The following RASA3 variants were observed in gnomAD, a reference collection of about 807,000 sequenced individuals.
The protein encoded by RASA3 is RAS p21 protein activator 3, also known as ras GTPase-activating protein 3.
RASA3 carries 73 observed loss-of-function variants against 110.0 expected under a neutral mutation model. The observed-to-expected ratio is 0.66, with a 90% CI of 0.55 to 0.81. The LOEUF is 0.81. Ranked by LOEUF, RASA3 falls within the 30% of genes least tolerant of loss-of-function variation. The pLI is 0.00. For missense variants in RASA3, 976 were observed against 1,113.2 expected, an observed-to-expected ratio of 0.88 and a Z score of 1.75; for synonymous variants, 500 against 451.4, an observed-to-expected ratio of 1.11 and a Z score of -1.37.
chr13:114,009,805 C>A (rs2053593544), intron 16 of RASA3, among the ~76,000 whole-genome samples: 1 of 152,362 alleles, frequency 6.6e-6, no homozygotes, highest in South Asian at 2.1e-4. Flanking sequence ...GCCTGGGAAC[C>A]TGGAGTCATA....
At position 114,011,389 on chromosome 13, in the gene RASA3, C is replaced by T. The variant is rs1167799208; in HGVS notation, c.1513-141G>A. 8.2e-6 allele frequency: 6 copies of T among 732,364 alleles called. No homozygotes were observed. Among genetic ancestry groups the T allele is most frequent in the Admixed American group, 2.2e-5 (1 of 46,046 alleles). 45.4% of individuals were successfully genotyped at this position (732,364 alleles called of 1,614,324 possible). A position where few individuals can be genotyped will look rare whatever the true frequency, so the allele number is the denominator to read the frequency against. The stretch of plus-strand genomic sequence containing the variant: ...AGCTACGGAGAAACAGGGGTAGCGA[C>T]GCAGATGGGACTGGAGGGGGTGGGC... On this transcript the variant is annotated intron_variant, in intron 15 of 23. Transcript: ENST00000334062. This position sits in a 1 kb window ranked among gnomAD's most constrained non-coding sequence, Gnocchi z 4.8.
chr13:114,052,866 G>A (rs923972282), intron 2 of RASA3, among the ~76,000 whole-genome samples: 2 of 144,098 alleles, frequency 1.4e-5, no homozygotes, highest in African/African-American at 2.7e-5. Flanking sequence ...GCTCCTGGGG[G>A]AGAGACCCCC....
intron 1 of RASA3, among the ~76,000 whole-genome samples, chr13:114,082,654 G>A (rs553613909): frequency 2.0e-5 from 3 of 152,162 alleles, no homozygotes; most frequent in Admixed American, 6.5e-5. Context: ...GAGAAGGAAT[G>A]GGGGGCAGGG....
intron 3 of RASA3, among the ~76,000 whole-genome samples, chr13:114,041,342 G>T (rs1019621190): frequency 2.6e-5 from 4 of 152,248 alleles, no homozygotes; most frequent in African/African-American, 7.2e-5. Flanking sequence ...GGAATGAGCC[G>T]GGCATGGTGG....
At chr13:114,030,466 G>GGCAAGGCTCACACAGACA (rs1566501750) in intron 4 of RASA3, among the ~76,000 whole-genome samples, 1 of 100,854 alleles carries the variant, frequency 9.9e-6, no homozygotes, top group African/African-American at 4.0e-5. Context: ...TCACACAGAG[G>GGCAAGGCTCACACAGACA]GCAAGGCTCA....
At position 114,078,005 on chromosome 13, in the gene RASA3, A is replaced by C. The variant is rs74488801; in HGVS notation, c.56-4168T>G. ...AGCATTGAAACAGAAAAAAAAAAAAAAAACTCCTGAGAAACATCCTGGTTG... is the reference window on the plus strand; with the variant it reads ...AGCATTGAAACAGAAAAAAAAAAAACAAACTCCTGAGAAACATCCTGGTTG... On this transcript the variant is annotated intron_variant, in intron 1 of 23. Transcript: ENST00000334062. 1.0e-5 allele frequency: 10 copies of C among 984,802 alleles called. No homozygotes were observed. In the African/African-American group the frequency reaches 1.2e-4, roughly 12 times the overall value. 61.0% of individuals were successfully genotyped at this position (984,802 alleles called of 1,614,324 possible). A position where few individuals can be genotyped will look rare whatever the true frequency, so the allele number is the denominator to read the frequency against.
chr13:114,036,709 G>C (rs894359670), intron 4 of RASA3, among the ~76,000 whole-genome samples: 3 of 152,132 alleles, frequency 2.0e-5, no homozygotes, highest in Admixed American at 1.3e-4. Flanking sequence ...GGCTAATTTT[G>C]TATTTTCAGT....
At chr13:114,076,301 T>C (rs1421644465) in intron 1 of RASA3, among the ~76,000 whole-genome samples, 3 of 152,206 alleles carry the variant, frequency 2.0e-5, no homozygotes, top group Non-Finnish European at 4.4e-5. Flanking sequence ...GAGTATTTCC[T>C]GATAGGCACT....
In RASA3 at chr13:114,049,243, A is replaced by C. The variant is rs1017714074; in HGVS notation, c.277+2809T>G. ...CAGTGGCCACCGCGCACTTCCACCC[A>C]GAAACGCATTCCCCAGAACCTGGTG... is the stretch of plus-strand genomic sequence containing the variant. On this transcript the variant is annotated intron_variant, in intron 3 of 23. Transcript: ENST00000334062. Among the ~76,000 whole-genome samples, 66 of 152,292 alleles carry C rather than the reference A, an allele frequency of 4.3e-4. 1 individual carries two copies. The highest frequency in any genetic ancestry group is 1.6e-3 in the African/African-American group (66 of 41,568).
intron 1 of RASA3, among the ~76,000 whole-genome samples, chr13:114,074,142 T>C (rs2079627570): frequency 6.6e-6 from 1 of 152,256 alleles, no homozygotes; most frequent in Admixed American, 6.5e-5. Flanking sequence ...CATACAATTT[T>C]CCATCTCTGA....
intron 1 of RASA3, among the ~76,000 whole-genome samples, chr13:114,100,526 G>A (rs185213431): frequency 2.0e-3 from 302 of 152,340 alleles, no homozygotes; most frequent in African/African-American, 6.0e-3. Context: ...GTCCCCCTGC[G>A]CTGCGCCCCA....
intron 12 of RASA3, among the ~76,000 whole-genome samples, 177 bp downstream of exon 12, chr13:114,017,060 G>A (rs2053809407): frequency 1.3e-5 from 2 of 152,238 alleles, no homozygotes; most frequent in African/African-American, 4.8e-5. Context: ...AGGTTCTGGA[G>A]TACACAGGGA....
intron 1 of RASA3, among the ~76,000 whole-genome samples, chr13:114,126,275 C>T (rs578023242): frequency 5.3e-5 from 8 of 152,340 alleles, no homozygotes; most frequent in East Asian, 1.9e-4. Context: ...CACGGGACCC[C>T]GTGTGGCCCC....
rs1262764968 is a variant in RASA3, at chr13:114,112,097, G to GCCCCC, written c.55+20337_55+20338insGGGGG. Among the ~76,000 whole-genome samples, 3 of 64,594 alleles carry GCCCCC rather than the reference G, an allele frequency of 4.6e-5. No homozygotes were observed. The highest frequency in any genetic ancestry group is 5.1e-4 in the South Asian group (1 of 1,960). 42.4% of individuals were successfully genotyped at this position (64,594 alleles called of 152,430 possible). On this transcript the variant is annotated intron_variant, in intron 1 of 23. Transcript: ENST00000334062. This position sits in a 1 kb window ranked among gnomAD's most constrained non-coding sequence, Gnocchi z 4.8. ...TCTCCCTGGAAACAGCAGCCCCCAG[G>GCCCCC]CACCCCCCCCAGCAACTGGGACAAG...
intron 1 of RASA3, among the ~76,000 whole-genome samples, chr13:114,110,990 TAAA>T (rs534002547): frequency 1.5e-5 from 2 of 130,736 alleles, no homozygotes; most frequent in African/African-American, 5.6e-5. Flanking sequence ...CTGCTCAAAG[TAAA>T]AAAAAAAAAA....
At chr13:114,019,198 G>A (rs2053862205) in intron 9 of RASA3, among the ~76,000 whole-genome samples, 1 of 152,216 alleles carries the variant, frequency 6.6e-6, no homozygotes. Flanking sequence ...GGGTTTCCGG[G>A]AACCGGCACA....
chr13:114,015,144 T>A (rs1463246231), intron 14 of RASA3, 65 bp downstream of exon 14: 1 of 1,591,874 alleles, frequency 6.3e-7, no homozygotes, highest in Non-Finnish European at 8.6e-7. Flanking sequence ...TCTGCCTGGG[T>A]GGGAGTCACC....
intron 1 of RASA3, among the ~76,000 whole-genome samples, chr13:114,130,672 A>G (rs1018795974): frequency 1.3e-5 from 2 of 152,142 alleles, no homozygotes; most frequent in African/African-American, 2.4e-5. Flanking sequence ...GCCTTCTGTA[A>G]AGTCCTGCCG....
intron 20 of RASA3, among the ~76,000 whole-genome samples, chr13:113,997,757 C>T (rs2053288768): frequency 6.6e-6 from 1 of 152,130 alleles, no homozygotes; most frequent in Non-Finnish European, 1.5e-5. Context: ...GCCCTTAAGT[C>T]AGGAGTCAGG....
Sources: allele counts gnomAD v4.1 joint callset (sites outside exome capture counted in the v4.1 genomes callset), GRCh38; gene constraint gnomAD v4.1.1; non-coding constraint Gnocchi (gnomAD v3.1); transcripts MANE v1.5; gene names NCBI Gene and HGNC (gene_info 2026-07-23, HGNC 2026-07-21).